The following CCDC91 variants were observed in gnomAD, a reference collection of about 807,000 sequenced individuals.
The protein encoded by CCDC91 is coiled-coil domain containing 91.
Under a neutral mutation model 63.2 loss-of-function variants are expected in CCDC91, and 48 were observed. The ratio of observed to expected loss-of-function variants is 0.76; its 90% CI spans 0.60 to 0.97. The LOEUF is 0.97. CCDC91 is among the 50% of genes least tolerant of loss of function. The pLI is 0.00. For synonymous variants in CCDC91, 167 were observed against 165.8 expected (o/e 1.01, Z -0.06); for missense variants, 500 against 494.6 (o/e 1.01, Z -0.10).
At chr12:28,436,741 G>C (rs1024123440) in intron 8 of CCDC91, among the ~76,000 whole-genome samples, 1 of 151,518 alleles carries the variant, frequency 6.6e-6, no homozygotes, top group African/African-American at 2.4e-5. Context: ...ATTTTGCAGG[G>C]TACACAATTC....
At chr12:28,361,407 C>T (rs1339764441) in intron 6 of CCDC91, among the ~76,000 whole-genome samples, 3 of 152,064 alleles carry the variant, frequency 2.0e-5, no homozygotes, top group Non-Finnish European at 2.9e-5. Context: ...GTTCAGTTCC[C>T]ACCTATGAGT....
At chr12:28,240,956 A>G (rs1307440097) in intron 1 of CCDC91, among the ~76,000 whole-genome samples, 1 of 152,184 alleles carries the variant, frequency 6.6e-6, no homozygotes. Flanking sequence ...TGTTTTCCCA[A>G]GTGATCATAC....
At chr12:28,303,796 A>G (rs1480458770) in intron 3 of CCDC91, among the ~76,000 whole-genome samples, 1 of 152,138 alleles carries the variant, frequency 6.6e-6, no homozygotes, top group Non-Finnish European at 1.5e-5. Flanking sequence ...CCATTGTTCT[A>G]TACCTGGTAT....
At chr12:28,380,322 A>AT (rs1945220843) in intron 7 of CCDC91, among the ~76,000 whole-genome samples, 1 of 152,074 alleles carries the variant, frequency 6.6e-6, no homozygotes, top group Admixed American at 6.6e-5. Context: ...TTAAAGTATA[A>AT]TAATAATAAA....
rs192235526 is a variant in CCDC91 at position 28,538,933 on chromosome 12, C to T, written c.1216-10130C>T. Reference sequence around the variant, plus strand: ...TTGAGAAGCGTCTGTTGACATCCTTCGCCCACTTTTTGATGGGGTTGTTTG... The same window carrying T: ...TTGAGAAGCGTCTGTTGACATCCTTTGCCCACTTTTTGATGGGGTTGTTTG... On this transcript the variant is annotated intron_variant, in intron 12 of 12. Transcript: ENST00000536442. Among the ~76,000 whole-genome samples the T allele has an allele frequency of 9.3e-3, 1,417 of 152,268 alleles. 5 individuals are homozygous for T. The highest frequency in any genetic ancestry group is 0.015 in the Non-Finnish European group (1,029 of 68,026).
intron 6 of CCDC91, among the ~76,000 whole-genome samples, chr12:28,334,334 G>A (rs1360436158): frequency 1.3e-5 from 2 of 151,982 alleles, no homozygotes; most frequent in South Asian, 2.1e-4. Context: ...AGAGGAAAAC[G>A]GGTTTTATTT....
chr12:28,524,959 T>C (rs150295398), intron 12 of CCDC91, among the ~76,000 whole-genome samples: 2 of 152,302 alleles, frequency 1.3e-5, no homozygotes, highest in African/African-American at 2.4e-5. Flanking sequence ...ATTTCATTTC[T>C]AATTGAGCTT....
intron 12 of CCDC91, among the ~76,000 whole-genome samples, chr12:28,535,704 T>G (rs1342980945): frequency 6.6e-6 from 1 of 152,138 alleles, no homozygotes; most frequent in Non-Finnish European, 1.5e-5. Flanking sequence ...TTACCAGATT[T>G]TATTCTGAAC....
chr12:28,390,436 T>TC (rs780371605), intron 7 of CCDC91, among the ~76,000 whole-genome samples: 104 of 152,242 alleles, frequency 6.8e-4, no homozygotes, highest in Middle Eastern at 6.8e-3. Flanking sequence ...TAGAATGATT[T>TC]AGAGTTTATA....
At chr12:28,282,498 T>C (rs1446260802) in intron 3 of CCDC91, among the ~76,000 whole-genome samples, 1 of 152,170 alleles carries the variant, frequency 6.6e-6, no homozygotes, top group African/African-American at 2.4e-5. Flanking sequence ...ATTTTCTTTA[T>C]GCACTTGTTG....
intron 12 of CCDC91, among the ~76,000 whole-genome samples, chr12:28,493,779 C>G (rs1347907045): frequency 6.6e-6 from 1 of 151,628 alleles, no homozygotes; most frequent in Non-Finnish European, 1.5e-5. Context: ...AATGTGCTCA[C>G]TCATTGTCTA....
chr12:28,333,582 C>T (rs1210790756), intron 6 of CCDC91, among the ~76,000 whole-genome samples: 2 of 152,142 alleles, frequency 1.3e-5, no homozygotes, highest in South Asian at 2.1e-4. Context: ...GAACAGATGG[C>T]TCTGTTCATG....
chr12:28,441,077 AAAAAAAAG>A (rs748464800), intron 8 of CCDC91, among the ~76,000 whole-genome samples: 600 of 21,154 alleles, frequency 0.028, 8 homozygotes, highest in Non-Finnish European at 0.056. Flanking sequence ...AAAAAAAAAA[AAAAAAAAG>A]AAAAGAAAAA....
intron 3 of CCDC91, among the ~76,000 whole-genome samples, chr12:28,287,103 ATCAGATCTTTG>A (rs1948960943): frequency 6.6e-6 from 1 of 152,024 alleles, no homozygotes; most frequent in South Asian, 2.1e-4. Context: ...GATGTTGGAT[ATCAGATCTTTG>A]TCAGATATCT....
At chr12:28,246,694 G>C (rs1164959916) in intron 1 of CCDC91, among the ~76,000 whole-genome samples, 1 of 152,134 alleles carries the variant, frequency 6.6e-6, no homozygotes, top group African/African-American at 2.4e-5. Flanking sequence ...CAAGAAGTAA[G>C]TTCTGGTAGT....
chr12:28,506,881 C>T (rs1406995507), intron 12 of CCDC91, among the ~76,000 whole-genome samples: 2 of 150,034 alleles, frequency 1.3e-5, no homozygotes, highest in Admixed American at 6.6e-5. Flanking sequence ...AAAGACAAAA[C>T]CAAAACGATA....
At chr12:28,230,504 T>C (rs1419412379) in intron 1 of CCDC91, among the ~76,000 whole-genome samples, 1 of 152,208 alleles carries the variant, frequency 6.6e-6, no homozygotes, top group African/African-American at 2.4e-5. Flanking sequence ...GCATATTTCT[T>C]GAAGTCACTG....
At chr12:28,499,929 C>T (rs567237183) in intron 12 of CCDC91, among the ~76,000 whole-genome samples, 9 of 152,194 alleles carry the variant, frequency 5.9e-5, no homozygotes, top group Non-Finnish European at 1.0e-4. Flanking sequence ...CACTGTCTTC[C>T]ACAATGGTTG....
chr12:28,293,935 A>G (rs879258942), intron 3 of CCDC91, among the ~76,000 whole-genome samples: 1 of 152,018 alleles, frequency 6.6e-6, no homozygotes, highest in Non-Finnish European at 1.5e-5. Context: ...TTTTTTAACT[A>G]CTGGAAAAAT....
Sources: allele counts gnomAD v4.1 joint callset (sites outside exome capture counted in the v4.1 genomes callset), GRCh38; gene constraint gnomAD v4.1.1; transcripts MANE v1.5; gene names NCBI Gene and HGNC (gene_info 2026-07-23, HGNC 2026-07-21).